The following MEIS2 variants were observed in gnomAD, a reference collection of about 807,000 sequenced individuals.
MEIS2 encodes homeobox protein Meis2.
In MEIS2, 9 loss-of-function variants were observed where a neutral mutation model predicts 58.6. The observed-to-expected ratio is 0.15, with a 90% CI of 0.09 to 0.27. MEIS2 has a LOEUF of 0.27. Among genes scored for constraint, MEIS2 ranks in the 10% least tolerant of loss-of-function variants. The pLI is 1.00. For missense variants in MEIS2, 427 were observed against 635.0 expected (o/e 0.67, Z 3.52); for synonymous variants, 221 against 228.4 (o/e 0.97, Z 0.29).
chr15:36,991,604 T>C (rs1487960288), intron 8 of MEIS2, among the ~76,000 whole-genome samples: 2 of 152,090 alleles, frequency 1.3e-5, no homozygotes, highest in Non-Finnish European at 1.5e-5. Flanking sequence ...AGGCATACTT[T>C]TGCAGTGTAA....
chr15:36,906,900 T>C (rs1171694528), intron 9 of MEIS2, among the ~76,000 whole-genome samples: 1 of 152,174 alleles, frequency 6.6e-6, no homozygotes, highest in African/African-American at 2.4e-5. Context: ...AGTAAAAACC[T>C]CTGTGGTCAA....
intron 11 of MEIS2, 127 bp from the exon 12 acceptor site, chr15:36,892,586 C>T (rs2055933894): frequency 1.2e-6 from 1 of 843,878 alleles, no homozygotes; most frequent in South Asian, 1.7e-5. Context: ...CTAAATTTAG[C>T]TGCAGATTCT....
At chr15:37,073,549 G>C (rs745316806) in intron 7 of MEIS2, among the ~76,000 whole-genome samples, 2 of 152,020 alleles carry the variant, frequency 1.3e-5, no homozygotes, top group Non-Finnish European at 2.9e-5. Flanking sequence ...GAGGTCTTGA[G>C]AGAGTGAGAG....
intron 9 of MEIS2, among the ~76,000 whole-genome samples, chr15:36,925,045 G>A (rs1283239932): frequency 2.6e-5 from 4 of 152,174 alleles, no homozygotes; most frequent in Non-Finnish European, 5.9e-5. Flanking sequence ...ACGCCTTGCA[G>A]GGATGCAGTG....
chr15:36,986,841 T>C (rs1186778418), intron 8 of MEIS2, among the ~76,000 whole-genome samples: 3 of 152,228 alleles, frequency 2.0e-5, no homozygotes, highest in Non-Finnish European at 2.9e-5. Context: ...CAAATGCCTA[T>C]GTTGAATGCT....
intron 1 of MEIS2, chr15:37,099,032 C>T: frequency 1.0e-6 from 1 of 983,278 alleles, no homozygotes; most frequent in Non-Finnish European, 1.2e-6. Context: ...GCCCCGGCGG[C>T]GGCTCCTACG....
At chr15:36,949,543 A>G (rs1189774228) in intron 9 of MEIS2, among the ~76,000 whole-genome samples, 2 of 152,046 alleles carry the variant, frequency 1.3e-5, no homozygotes, top group African/African-American at 2.4e-5. Context: ...AAGTTTGTAT[A>G]AGGCCTGAAA....
At chr15:37,094,487 A>G (rs1596128244) in intron 5 of MEIS2, 40 bp downstream of exon 5, 1 of 1,597,710 alleles carries the variant, frequency 6.3e-7, no homozygotes. Context: ...AGGAGAGGGA[A>G]ATGGTTTAAT....
chr15:37,068,675 T>C (rs1890281868), intron 7 of MEIS2, among the ~76,000 whole-genome samples: 1 of 152,170 alleles, frequency 6.6e-6, no homozygotes, highest in African/African-American at 2.4e-5. Context: ...CTGGCAAGTG[T>C]ACCATAAAAA....
At position 37,098,113 on chromosome 15, in the gene MEIS2, G is replaced by A. The variant is rs749233162; in HGVS notation, c.99C>T (p.Ile33=). 6.8e-5 allele frequency: 110 copies of A among 1,613,536 alleles called. No homozygotes were observed. Among genetic ancestry groups the A allele is most frequent in the Non-Finnish European group, 9.2e-5 (108 of 1,179,920 alleles). The part of the protein sequence containing the change: ...MYGDPHAPRP[I]PPVHHLNHGP... ...CGTGGTTCAGGTGGTGAACCGGGGGGATCGGCCGCGGCGCGTGAGGGTCTC... is the reference window on the plus strand; with the variant it reads ...CGTGGTTCAGGTGGTGAACCGGGGGAATCGGCCGCGGCGCGTGAGGGTCTC... Residue 33 remains isoleucine, a synonymous_variant, in exon 2 of 12, where the codon ATC becomes ATT. Transcript: ENST00000561208.
intron 7 of MEIS2, among the ~76,000 whole-genome samples, chr15:37,069,729 A>C (rs1890439747): frequency 6.6e-6 from 1 of 152,178 alleles, no homozygotes; most frequent in African/African-American, 2.4e-5. Flanking sequence ...TAAGAGAGTC[A>C]GCGAAAAATT....
At chr15:36,922,498 G>A (rs1006589568) in intron 9 of MEIS2, among the ~76,000 whole-genome samples, 1 of 151,206 alleles carries the variant, frequency 6.6e-6, no homozygotes, top group Non-Finnish European at 1.5e-5. Context: ...TTTTACGGGA[G>A]TTCATCTAAA....
chr15:36,919,088 G>A (rs1487185072), intron 9 of MEIS2, among the ~76,000 whole-genome samples: 1 of 151,960 alleles, frequency 6.6e-6, no homozygotes, highest in Non-Finnish European at 1.5e-5. Context: ...ACTGAGGTGG[G>A]AAAAATCACG....
At chr15:37,073,088 C>G (rs1165982478) in intron 7 of MEIS2, among the ~76,000 whole-genome samples, 1 of 151,984 alleles carries the variant, frequency 6.6e-6, no homozygotes, top group East Asian at 1.9e-4. Flanking sequence ...TTATATGGTC[C>G]ATAAATGTTC....
chr15:37,010,664 C>T (rs78257178), intron 8 of MEIS2, among the ~76,000 whole-genome samples: 1,787 of 152,308 alleles, frequency 0.012, 39 homozygotes, highest in African/African-American at 0.04. Flanking sequence ...CAGGTTTGAG[C>T]CACGGCACCC....
chr15:37,091,834 T>G (rs944193354), intron 6 of MEIS2, among the ~76,000 whole-genome samples: 4 of 152,200 alleles, frequency 2.6e-5, no homozygotes, highest in African/African-American at 9.6e-5. Context: ...AGAAAAGCTT[T>G]TGGCTCCGAG....
intron 8 of MEIS2, among the ~76,000 whole-genome samples, chr15:37,019,927 T>C (rs1450652116): frequency 6.6e-6 from 1 of 152,192 alleles, no homozygotes; most frequent in Admixed American, 6.5e-5. Context: ...CTTGCGATGC[T>C]GTTTATTTTA....
At chr15:36,897,560 C>T (rs1295416518) in intron 9 of MEIS2, 1 of 152,130 alleles carries the variant, frequency 6.6e-6, no homozygotes, top group Non-Finnish European at 1.5e-5. Flanking sequence ...TATTCATGTA[C>T]AAACAGAGTA....
At chr15:37,085,393 A>C (rs1180662080) in intron 6 of MEIS2, among the ~76,000 whole-genome samples, 1 of 152,244 alleles carries the variant, frequency 6.6e-6, no homozygotes, top group Non-Finnish European at 1.5e-5. Flanking sequence ...GTGTACATAT[A>C]GCATGGATGA....
Sources: allele counts gnomAD v4.1 joint callset (sites outside exome capture counted in the v4.1 genomes callset), GRCh38; gene constraint gnomAD v4.1.1; transcripts MANE v1.5; gene names NCBI Gene and HGNC (gene_info 2026-07-23, HGNC 2026-07-21).